FMNL1: variants seen among roughly 807,000 people sequenced by gnomAD.
FMNL1 encodes formin like 1.
Under a neutral mutation model 121.3 loss-of-function variants are expected in FMNL1, and 43 were observed. The ratio of observed to expected loss-of-function variants is 0.35; its 90% CI spans 0.28 to 0.46. The LOEUF (loss-of-function observed/expected upper bound fraction) is 0.46, where lower values mean the gene tolerates loss of function less well. Among genes scored for constraint, FMNL1 ranks in the 20% least tolerant of loss-of-function variants. The pLI, the probability that FMNL1 is intolerant of heterozygous loss-of-function variation, is 1.00. For synonymous variants in FMNL1, 613 were observed against 613.5 expected (o/e 1.00, Z 0.01); for missense variants, 1,191 against 1,482.4 (o/e 0.80, Z 3.23).
At position 45,222,169 on chromosome 17, in the gene FMNL1, C is replaced by T; in HGVS notation, c.45C>T (p.Ala15=). The T allele has an allele frequency of 1.6e-6, 2 of 1,216,548 alleles. No homozygotes were observed. Among genetic ancestry groups the T allele is most frequent in the African/African-American group, 3.2e-5 (2 of 62,396 alleles). 75.4% of individuals were successfully genotyped at this position (1,216,548 alleles called of 1,614,324 possible). ...GCGCCGAGCAGCCCGCGGGCCCCGC[C>T]GCGCCGCCCCCCAAGCAGCCCGCGC... The part of the protein sequence containing the change: ...AGSAEQPAGP[A]APPPKQPAPP... Residue 15 remains alanine (A), a synonymous_variant, in exon 1 of 27, where the codon GCC becomes GCT. Transcript: ENST00000331495.
At chr17:45,234,398 C>A in intron 6 of FMNL1, 198 bp downstream of exon 6, 2 of 849,712 alleles carry the variant, frequency 2.4e-6, no homozygotes, top group Non-Finnish European at 3.6e-6. Flanking sequence ...GGTGCTGTGG[C>A]TCATGCCTGT....
At position 45,244,884 on chromosome 17, in the gene FMNL1, C is replaced by T. The variant is rs2043793186; in HGVS notation, c.2583C>T (p.Leu861=). The T allele has an allele frequency of 3.7e-6, 6 of 1,613,808 alleles. No homozygotes were observed. The highest frequency in any genetic ancestry group is 3.3e-5 in the South Asian group (3 of 91,032). The change falls in exon 20 of 27, where the codon CTC becomes CTT. Residue 861 remains leucine, a synonymous_variant. Coordinates refer to ENST00000331495, the MANE Select transcript of FMNL1 (RefSeq NM_005892.4). ...GTGGGGCAGCCTATGGCTTCCGGCT[C>T]CAGAGCCTGGATGCGGTGAGGAGGG... ...SKRGAAYGFR[L]QSLDALLEMK...
chr17:45,228,870 A>G (rs1029890106), intron 1 of FMNL1, among the ~76,000 whole-genome samples: 2 of 151,968 alleles, frequency 1.3e-5, no homozygotes, highest in Non-Finnish European at 2.9e-5. Context: ...TTTCCCTGGC[A>G]CTGCTGGCCC....
At position 45,222,220 on chromosome 17, in the gene FMNL1, C is replaced by G; in HGVS notation, c.96C>G (p.Ala32=). ...PAPPKQPMPA[A]GELEERFNRA... is the part of the protein sequence containing the mutation. ...CTCCCAAGCAGCCGATGCCCGCGGC[C>G]GGAGAGCTGGAGGAGAGGTTCAACC... The change falls in exon 1 of 27, where the codon GCC becomes GCG. Residue 32 remains alanine (A), a synonymous_variant. Transcript: ENST00000331495. 4.8e-6 allele frequency: 6 copies of G among 1,255,288 alleles called. No individual in the cohort carries two copies. The highest frequency in any genetic ancestry group is 6.0e-6 in the Non-Finnish European group (6 of 994,684). The allele number at this position is 1,255,288 out of a possible 1,614,324, so 77.8% of individuals were successfully genotyped here. A position where few individuals can be genotyped will look rare whatever the true frequency, so the allele number is the denominator to read the frequency against.
chr17:45,246,809 C>A, intron 26 of FMNL1, 58 bp from the exon 27 acceptor site: 1 of 697,144 alleles, frequency 1.4e-6, no homozygotes, highest in Non-Finnish European at 2.6e-6. Context: ...GCCCTGGAGC[C>A]ATGCTCCCAG....
chr17:45,230,227 T>C (rs2143286659), intron 1 of FMNL1, among the ~76,000 whole-genome samples: 1 of 152,258 alleles, frequency 6.6e-6, no homozygotes, highest in African/African-American at 2.4e-5. Flanking sequence ...CCCACCAGAA[T>C]GGGGGAAGAG....
At chr17:45,244,397 G>A (rs2043781259) in intron 19 of FMNL1, among the ~76,000 whole-genome samples, 153 bp downstream of exon 19, 1 of 152,212 alleles carries the variant, frequency 6.6e-6, no homozygotes, top group Non-Finnish European at 1.5e-5. Context: ...TGGCGAGTGG[G>A]AAGGGGTACA....
chr17:45,222,329 C>G lies in FMNL1; in HGVS notation c.129+76C>G, dbSNP rs886364402. 3 of 1,088,688 alleles carry G rather than the reference C, an allele frequency of 2.8e-6. No individual in the cohort carries two copies. In the East Asian group the frequency reaches 1.5e-4, roughly 55 times the overall value. 67.4% of individuals were successfully genotyped at this position (1,088,688 alleles called of 1,614,324 possible). Reference sequence around the variant, plus strand: ...GCGGCAGGGGCTGGGCGCGCGTCCCCGCCCCCGGGGACTCAGGTGCCGCTT... The same window carrying G: ...GCGGCAGGGGCTGGGCGCGCGTCCCGGCCCCCGGGGACTCAGGTGCCGCTT... On this transcript the variant is annotated intron_variant, in intron 1 of 26. Transcript: ENST00000331495.
At chr17:45,229,571 G>A (rs1459685007) in intron 1 of FMNL1, among the ~76,000 whole-genome samples, 1 of 152,190 alleles carries the variant, frequency 6.6e-6, no homozygotes, top group Non-Finnish European at 1.5e-5. Context: ...TGTCTTTTTG[G>A]GCCAGACATA....
chr17:45,230,754 G>T, intron 2 of FMNL1, 67 bp downstream of exon 2: 1 of 1,537,486 alleles, frequency 6.5e-7, no homozygotes, highest in South Asian at 1.1e-5. Context: ...GACCAGGCTG[G>T]GGCTATGGGG....
In FMNL1 at chr17:45,241,063, C is replaced by G. The variant is rs775728093; in HGVS notation, c.1231-66C>G. The G allele has an allele frequency of 1.3e-6, 2 of 1,587,662 alleles. No individual in the cohort carries two copies. Among genetic ancestry groups the G allele is most frequent in the Non-Finnish European group, 1.7e-6 (2 of 1,161,026 alleles). On this transcript the variant is annotated intron_variant, in intron 12 of 26. Coordinates refer to ENST00000331495, the MANE Select transcript of FMNL1 (RefSeq NM_005892.4). The surrounding 1 kb of genome is among the most constrained non-coding windows in gnomAD (Gnocchi z 7.0). ...TCTTCCAGGCAGGCATGCCTGATGC[C>G]GCCCCCTCACCGGCGGTGCCAGTGC...
chr17:45,236,995 G>A (rs1315096574), intron 7 of FMNL1, among the ~76,000 whole-genome samples: 1 of 152,164 alleles, frequency 6.6e-6, no homozygotes, highest in East Asian at 1.9e-4. Context: ...GCAGGTGCCT[G>A]TAATCCCAGC....
At chr17:45,227,212 G>A (rs1202173113) in intron 1 of FMNL1, among the ~76,000 whole-genome samples, 1 of 152,266 alleles carries the variant, frequency 6.6e-6, no homozygotes, top group South Asian at 2.1e-4. Flanking sequence ...GGGAGAGATG[G>A]GCAGGTGGAC....
rs766357860 is a variant in FMNL1 at position 45,239,115 on chromosome 17, A to G, written c.1080+50A>G. ...CTGAACTGCCTGCCCACGGCAGAGT[A>G]TGGCTGAGTGGTTAGCAGCATGAGT... On this transcript the variant is annotated intron_variant, in intron 11 of 26. Transcript: ENST00000331495. 17 of 1,472,712 alleles carry G rather than the reference A, an allele frequency of 1.2e-5. No homozygotes were observed. The South Asian group carries it at 1.7e-4, about 15-fold the overall frequency. 91.2% of individuals were successfully genotyped at this position (1,472,712 alleles called of 1,614,324 possible). A position where few individuals can be genotyped will look rare whatever the true frequency, so the allele number is the denominator to read the frequency against.
chr17:45,230,251 A>T (rs1458314701), intron 1 of FMNL1, among the ~76,000 whole-genome samples: 1 of 152,154 alleles, frequency 6.6e-6, no homozygotes, highest in Non-Finnish European at 1.5e-5. Context: ...ATGCCCCAAC[A>T]GGAAAACTGG....
In FMNL1 at chr17:45,222,146, G is replaced by A. The variant is rs2043238323; in HGVS notation, c.22G>A (p.Ala8Thr). 1.7e-6 allele frequency: 2 copies of A among 1,191,990 alleles called. No homozygotes were observed. Among genetic ancestry groups the A allele is most frequent in the Admixed American group, 4.7e-5 (1 of 21,428 alleles). The allele number at this position is 1,191,990 out of a possible 1,614,324, so 73.8% of individuals were successfully genotyped here. ...CACCATGGGCAACGCGGCCGGCAGC[G>A]CCGAGCAGCCCGCGGGCCCCGCCGC... MGNAAGS[A>T]EQPAGPAAPP... The change falls in exon 1 of 27, where the codon GCC (alanine) becomes ACC (threonine). Residue 8 changes from alanine to threonine, a missense_variant. Ala to Thr is a moderately conservative substitution (Grantham distance 58). Coordinates refer to ENST00000331495, the MANE Select transcript of FMNL1 (RefSeq NM_005892.4).
Position 45,237,539 on chromosome 17 carries a change from T to G in FMNL1, c.801-7T>G. On this transcript the variant is annotated splice_polypyrimidine_tract_variant and splice_region_variant and intron_variant, in intron 8 of 26. Coordinates refer to ENST00000331495, the MANE Select transcript of FMNL1 (RefSeq NM_005892.4). The surrounding 1 kb of genome is among the most constrained non-coding windows in gnomAD (Gnocchi z 4.4). ...CTCAAGGGACAACCTGCCCCTTCTC[T>G]CTCCAGAACCAAGGCTCTGGTGCTG... 6.2e-7 allele frequency: 1 copy of G among 1,614,156 alleles called. No homozygotes were observed. The highest frequency in any genetic ancestry group is 1.1e-5 in the South Asian group (1 of 91,084).
At chr17:45,243,389 C>T (rs2043753770) in intron 17 of FMNL1, 69 bp downstream of exon 17, 1 of 1,556,832 alleles carries the variant, frequency 6.4e-7, no homozygotes, top group Non-Finnish European at 8.8e-7. Context: ...TCAGGCAGAT[C>T]CTAGTAAAAG....
rs912440359 is a variant in FMNL1, at chr17:45,237,267, T to C, written c.724-14T>C. On this transcript the variant is annotated splice_polypyrimidine_tract_variant and intron_variant, in intron 7 of 26. Transcript: ENST00000331495. The surrounding 1 kb of genome is among the most constrained non-coding windows in gnomAD (Gnocchi z 4.4). ...GGCCCTTCCTGGAGACACTGACCTCTCCTCTCTCCCCAGTCTGGCTTCAGC... is the reference window on the plus strand; with the variant it reads ...GGCCCTTCCTGGAGACACTGACCTCCCCTCTCTCCCCAGTCTGGCTTCAGC... 66 of 1,613,854 alleles carry C rather than the reference T, an allele frequency of 4.1e-5. No homozygotes were observed. Among genetic ancestry groups the C allele is most frequent in the Non-Finnish European group, 5.6e-5 (66 of 1,179,852 alleles).
Sources: gnomAD v4.1 joint callset for allele counts (sites outside exome capture counted in the v4.1 genomes callset) on GRCh38, gnomAD v4.1.1 for gene constraint, Gnocchi (gnomAD v3.1) non-coding constraint, MANE v1.5 for transcripts, NCBI Gene and HGNC (gene_info 2026-07-23, HGNC 2026-07-21) for gene names.